ATRNL1: variants seen among roughly 807,000 people sequenced by gnomAD.
The protein encoded by ATRNL1 is attractin-like protein 1.
ATRNL1 carries 95 observed loss-of-function variants against 182.7 expected under a neutral mutation model. The ratio of observed to expected loss-of-function variants is 0.52; its 90% CI spans 0.44 to 0.62. The LOEUF (loss-of-function observed/expected upper bound fraction) is 0.62, where lower values mean the gene tolerates loss of function less well. ATRNL1 is among the 20% of genes least tolerant of loss of function. The pLI, the probability that ATRNL1 is intolerant of heterozygous loss-of-function variation, is 0.00. For missense variants in ATRNL1, 1,471 were observed against 1,679.5 expected, an observed-to-expected ratio of 0.88 and a Z score of 2.17; for synonymous variants, 576 against 568.3, an observed-to-expected ratio of 1.01 and a Z score of -0.19.
rs1443742039 is a variant in ATRNL1, at chr10:115,948,265, A to G, written c.*3486A>G. ...ATCAATGATCACCTTTCACGTACAA[A>G]CTAGGCAAGACAGGGTCAGTGCTTA... On this transcript the variant is annotated 3_prime_UTR_variant, in exon 29 of 29. Coordinates refer to ENST00000355044, the MANE Select transcript of ATRNL1 (RefSeq NM_207303.4). 4.6e-5 allele frequency: 7 copies of G among 152,202 alleles called. No homozygotes were observed. Among genetic ancestry groups the G allele is most frequent in the African/African-American group, 1.7e-4 (7 of 41,458 alleles). 9.4% of individuals were successfully genotyped at this position (152,202 alleles called of 1,614,324 possible). A position where few individuals can be genotyped will look rare whatever the true frequency, so the allele number is the denominator to read the frequency against.
chr10:115,864,843 G>A (rs887810275), intron 28 of ATRNL1, among the ~76,000 whole-genome samples: 12 of 152,064 alleles, frequency 7.9e-5, no homozygotes, highest in Admixed American at 2.0e-4. Context: ...TTAGCCAGGC[G>A]TGGTGGCAGG....
At chr10:115,194,776 G>A (rs1372882615) in intron 8 of ATRNL1, among the ~76,000 whole-genome samples, 2 of 150,972 alleles carry the variant, frequency 1.3e-5, no homozygotes, top group Non-Finnish European at 3.0e-5. Context: ...TTTTCCTTCT[G>A]AATTCCTTTG....
At chr10:115,843,231 G>A (rs1950850608) in intron 27 of ATRNL1, among the ~76,000 whole-genome samples, 1 of 151,980 alleles carries the variant, frequency 6.6e-6, no homozygotes, top group Non-Finnish European at 1.5e-5. Context: ...ATAAAACATT[G>A]GGAGACATAG....
At chr10:115,754,080 T>A (rs1593171403) in intron 27 of ATRNL1, among the ~76,000 whole-genome samples, 1 of 152,202 alleles carries the variant, frequency 6.6e-6, no homozygotes, top group South Asian at 2.1e-4. Flanking sequence ...TAGCCCTTTG[T>A]CAGATGGATA....
rs543810185 is a variant in ATRNL1 at position 115,256,364 on chromosome 10, G to A, written c.1688-8829G>A. ...TTCAACTTCTTCCTGGTTTAGTCTC[G>A]GGAGGGTGTATGTGTCCAGGAATTT... On this transcript the variant is annotated intron_variant, in intron 10 of 28. Coordinates refer to ENST00000355044, the MANE Select transcript of ATRNL1 (RefSeq NM_207303.4). Among the ~76,000 whole-genome samples, 187 of 152,130 alleles carry A rather than the reference G, an allele frequency of 1.2e-3. 1 individual carries two copies. Among genetic ancestry groups the A allele is most frequent in the Non-Finnish European group, 2.1e-3 (140 of 68,004 alleles).
At chr10:115,223,929 A>ATATATTTTTTTTTTTTTTTT (rs1420143943) in intron 9 of ATRNL1, among the ~76,000 whole-genome samples, 1 of 44,714 alleles carries the variant, frequency 2.2e-5, no homozygotes, top group African/African-American at 9.2e-5. Context: ...ATATATATAT[A>ATATATTTTTTTTTTTTTTTT]TTTTTTTTTT....
At chr10:115,264,292 A>C (rs1851516636) in intron 10 of ATRNL1, among the ~76,000 whole-genome samples, 1 of 151,666 alleles carries the variant, frequency 6.6e-6, no homozygotes, top group African/African-American at 2.4e-5. Flanking sequence ...TACTTAAATA[A>C]GAAAACAAGT....
intron 25 of ATRNL1, among the ~76,000 whole-genome samples, chr10:115,529,847 T>C (rs1851459722): frequency 6.6e-6 from 1 of 152,082 alleles, no homozygotes; most frequent in Non-Finnish European, 1.5e-5. Flanking sequence ...GAACATATCA[T>C]CATCCCCAAA....
intron 26 of ATRNL1, among the ~76,000 whole-genome samples, chr10:115,655,465 C>T (rs1207271017): frequency 2.0e-5 from 3 of 152,040 alleles, no homozygotes; most frequent in African/African-American, 7.2e-5. Context: ...GTTTGAAGGA[C>T]CCTAAGGAAT....
chr10:115,471,064 C>A (rs186128963), intron 24 of ATRNL1, among the ~76,000 whole-genome samples: 1 of 150,678 alleles, frequency 6.6e-6, no homozygotes, highest in Admixed American at 6.7e-5. Context: ...TTGTGACTGA[C>A]TTGTTTATTT....
intron 21 of ATRNL1, among the ~76,000 whole-genome samples, chr10:115,433,628 G>C (rs184555442): frequency 2.2e-4 from 33 of 152,096 alleles, no homozygotes; most frequent in Admixed American, 2.0e-3. Flanking sequence ...TCTGAAGTCT[G>C]TATCCCTGTA....
At chr10:115,649,261 C>T (rs1254316393) in intron 26 of ATRNL1, among the ~76,000 whole-genome samples, 13 of 152,060 alleles carry the variant, frequency 8.5e-5, no homozygotes, top group Non-Finnish European at 1.5e-4. Context: ...TTAAATTTAA[C>T]AGCAACATGA....
At chr10:115,400,752 A>G (rs893809370) in intron 20 of ATRNL1, among the ~76,000 whole-genome samples, 9 of 152,136 alleles carry the variant, frequency 5.9e-5, no homozygotes, top group African/African-American at 1.9e-4. Flanking sequence ...GTCAGAAACT[A>G]GGATTACAAC....
intron 13 of ATRNL1, among the ~76,000 whole-genome samples, chr10:115,270,643 G>A (rs1851820847): frequency 6.6e-6 from 1 of 151,782 alleles, no homozygotes; most frequent in Non-Finnish European, 1.5e-5. Flanking sequence ...AGCAAGAAAA[G>A]GCAGAGAGAG....
intron 27 of ATRNL1, among the ~76,000 whole-genome samples, chr10:115,832,548 T>C (rs1467814352): frequency 6.6e-6 from 1 of 152,240 alleles, no homozygotes; most frequent in Non-Finnish European, 1.5e-5. Context: ...TGCGTCTGTC[T>C]GTCTCCTGTG....
chr10:115,601,625 T>G (rs1555015944), intron 26 of ATRNL1, among the ~76,000 whole-genome samples: 1 of 152,202 alleles, frequency 6.6e-6, no homozygotes, highest in African/African-American at 2.4e-5. Flanking sequence ...GAATATCCCT[T>G]TTTATTCGTA....
intron 25 of ATRNL1, among the ~76,000 whole-genome samples, chr10:115,548,437 A>G (rs1852791130): frequency 6.6e-6 from 1 of 152,224 alleles, no homozygotes; most frequent in African/African-American, 2.4e-5. Context: ...AGTGATGAAC[A>G]CAATGATTAA....
At chr10:115,234,354 A>G (rs1386894892) in intron 9 of ATRNL1, among the ~76,000 whole-genome samples, 1 of 151,952 alleles carries the variant, frequency 6.6e-6, no homozygotes, top group Non-Finnish European at 1.5e-5. Flanking sequence ...ATTTATTTAT[A>G]TCTCCCTATA....
chr10:115,719,749 A>G (rs578068439), intron 26 of ATRNL1, among the ~76,000 whole-genome samples: 1 of 152,090 alleles, frequency 6.6e-6, no homozygotes, highest in Admixed American at 6.5e-5. Flanking sequence ...CTATCCAGAG[A>G]TACAAAGCTT....
Sources: allele counts gnomAD v4.1 joint callset (sites outside exome capture counted in the v4.1 genomes callset), GRCh38; gene constraint gnomAD v4.1.1; transcripts MANE v1.5; gene names NCBI Gene and HGNC (gene_info 2026-07-23, HGNC 2026-07-21).